ATRX: variants seen among roughly 807,000 people sequenced by gnomAD.
The protein encoded by ATRX is ATRX chromatin remodeler.
Under a neutral mutation model 172.6 loss-of-function variants are expected in ATRX, and 12 were observed. The ratio of observed to expected loss-of-function variants is 0.07; its 90% confidence interval spans 0.04 to 0.11. ATRX has a LOEUF of 0.11. Among genes scored for constraint, ATRX ranks in the 10% least tolerant of loss-of-function variants. ATRX has a pLI of 1.00. For missense variants in ATRX, 1,368 were observed against 1,767.4 expected, an observed-to-expected ratio of 0.77 and a Z score of 4.05; for synonymous variants, 674 against 594.7, an observed-to-expected ratio of 1.13 and a Z score of -1.94.
chrX:77,783,860 A>C (rs1478187122), intron 1 of ATRX, among the ~76,000 whole-genome samples: 1 of 111,958 alleles, frequency 8.9e-6, no homozygotes, highest in Non-Finnish European at 1.9e-5. Flanking sequence ...CCCTACATGC[A>C]TATATGCAGT....
intron 26 of ATRX, among the ~76,000 whole-genome samples, chrX:77,593,092 T>C (rs1387517325): frequency 2.8e-5 from 3 of 108,406 alleles, no homozygotes; most frequent in Non-Finnish European, 5.7e-5. Flanking sequence ...GGCATGGTGG[T>C]GTGCGCCTGT....
In ATRX at chrX:77,693,797, T is replaced by C. The variant is rs372876363; in HGVS notation, c.484+27A>G. Reference sequence around the variant, plus strand: ...TATGGTCATAAACAGCAATTTAAATTCATGTTTCATTTTCACTTGTATTTA... The same window carrying C: ...TATGGTCATAAACAGCAATTTAAATCCATGTTTCATTTTCACTTGTATTTA... On this transcript the variant is annotated intron_variant, in intron 6 of 34. Transcript: ENST00000373344. The C allele has an allele frequency of 5.6e-5, 63 of 1,117,330 alleles. No homozygotes were observed. The African/African-American group carries it at 9.0e-4, about 16-fold the overall frequency. The allele number at this position is 1,117,330 out of a possible 1,213,427, so 92.1% of individuals were successfully genotyped here. A position where few individuals can be genotyped will look rare whatever the true frequency, so the allele number is the denominator to read the frequency against.
At chrX:77,727,528 G>T (rs1185081912) in intron 1 of ATRX, among the ~76,000 whole-genome samples, 1 of 111,191 alleles carries the variant, frequency 9.0e-6, no homozygotes, top group East Asian at 2.8e-4. Flanking sequence ...CATATATTTT[G>T]CAGGGACATG....
intron 15 of ATRX, among the ~76,000 whole-genome samples, chrX:77,637,513 T>C (rs2068442206): frequency 9.0e-6 from 1 of 111,338 alleles, no homozygotes; most frequent in Non-Finnish European, 1.9e-5. Context: ...ACACTGAGAT[T>C]TACCCAGAGG....
chrX:77,707,203 C>T (rs954210993), intron 2 of ATRX, among the ~76,000 whole-genome samples: 3 of 111,650 alleles, frequency 2.7e-5, no homozygotes, highest in Non-Finnish European at 5.6e-5. Context: ...GTTTGCAAGG[C>T]TAAGGAGAGG....
chrX:77,557,688 G>GT, intron 29 of ATRX, 43 bp from the exon 30 acceptor site: 1 of 1,099,364 alleles, frequency 9.1e-7, no homozygotes, highest in Non-Finnish European at 1.2e-6. Flanking sequence ...ATAAAATTTT[G>GT]TAAGCATGAA....
intron 10 of ATRX, among the ~76,000 whole-genome samples, chrX:77,671,571 AAATT>A (rs1297049110): frequency 2.7e-5 from 3 of 110,455 alleles, no homozygotes; most frequent in South Asian, 3.8e-4. Flanking sequence ...AAATATATTC[AAATT>A]AATATGGGAA....
chrX:77,703,349 T>C (rs939277970), intron 2 of ATRX, among the ~76,000 whole-genome samples: 1 of 112,707 alleles, frequency 8.9e-6, no homozygotes, highest in Non-Finnish European at 1.9e-5. Context: ...TGTGAGCAAG[T>C]GTGGGGTCCG....
intron 2 of ATRX, among the ~76,000 whole-genome samples, chrX:77,713,093 G>A (rs1412159571): frequency 9.0e-6 from 1 of 110,854 alleles, no homozygotes; most frequent in African/African-American, 3.3e-5. Context: ...AGGTTGCAGT[G>A]ATCTGAGATC....
chrX:77,756,125 T>C (rs2060205180), intron 1 of ATRX, among the ~76,000 whole-genome samples: 1 of 111,970 alleles, frequency 8.9e-6, no homozygotes, highest in Non-Finnish European at 1.9e-5. Context: ...CAGTCTGAAC[T>C]TCCCAGCCTC....
intron 1 of ATRX, among the ~76,000 whole-genome samples, chrX:77,730,395 A>C (rs782711787): frequency 2.7e-5 from 3 of 111,910 alleles, no homozygotes; most frequent in Non-Finnish European, 3.8e-5. Flanking sequence ...TAAAACTTGG[A>C]GACTTCAATA....
At position 77,504,979 on chromosome X, in the gene ATRX, G is replaced by A; in HGVS notation, c.*3372C>T. The A allele has an allele frequency of 6.1e-6, 1 of 162,694 alleles. No individual in the cohort carries two copies. The highest frequency in any genetic ancestry group is 1.2e-5 in the Non-Finnish European group (1 of 83,672). The allele number at this position is 162,694 out of a possible 1,213,427, so 13.4% of individuals were successfully genotyped here. A position where few individuals can be genotyped will look rare whatever the true frequency, so the allele number is the denominator to read the frequency against. On this transcript the variant is annotated 3_prime_UTR_variant, in exon 35 of 35. Transcript: ENST00000373344. ...AAACTTGATCACTCCTTTGGGACTGGCTCAGATTATAGACTTGAAAAAAAA... is the reference window on the plus strand; with the variant it reads ...AAACTTGATCACTCCTTTGGGACTGACTCAGATTATAGACTTGAAAAAAAA...
rs1342368050 is a variant in ATRX, at chrX:77,762,179, C to A, written c.20+23803G>T. On this transcript the variant is annotated intron_variant, in intron 1 of 34. Transcript: ENST00000373344. ...ATTAGCCAGGCGTGGTGGCAGGCGC[C>A]TGTAGTCGCAGCTACTCGGGAGGCT... 4.6e-5 allele frequency among the ~76,000 whole-genome samples: 5 copies of A among 108,793 alleles called. No homozygotes were observed. In the Admixed American group the frequency reaches 5.0e-4, roughly 11 times the overall value. The allele number at this position is 108,793 out of a possible 115,157, so 94.5% of individuals were successfully genotyped here. A position where few individuals can be genotyped will look rare whatever the true frequency, so the allele number is the denominator to read the frequency against.
chrX:77,518,124 A>G (rs1044981895), intron 34 of ATRX, among the ~76,000 whole-genome samples: 19 of 112,218 alleles, frequency 1.7e-4, no homozygotes, highest in African/African-American at 5.8e-4. Flanking sequence ...CAAGGATGCC[A>G]GCTTTTACCA....
At chrX:77,543,854 T>C (rs1292010950) in intron 30 of ATRX, among the ~76,000 whole-genome samples, 2 of 110,010 alleles carry the variant, frequency 1.8e-5, no homozygotes, top group African/African-American at 3.3e-5. Context: ...AAATATCTAA[T>C]GTAGGTGACG....
chrX:77,687,787 T>G (rs2071661727), intron 7 of ATRX, among the ~76,000 whole-genome samples: 1 of 112,103 alleles, frequency 8.9e-6, no homozygotes, highest in Non-Finnish European at 1.9e-5. Context: ...TATCAAAAAT[T>G]CATGCAAGAA....
chrX:77,663,854 C>G (rs2148492131), intron 11 of ATRX, among the ~76,000 whole-genome samples: 1 of 111,772 alleles, frequency 8.9e-6, no homozygotes, highest in East Asian at 2.8e-4. Flanking sequence ...GTAATCCCAG[C>G]TCTTTGGGAG....
At position 77,683,828 on chromosome X, in the gene ATRX, C is replaced by T. The variant is rs1487335663; in HGVS notation, c.1428G>A (p.Gln476=). Residue 476 remains glutamine (Q), a synonymous_variant, in exon 9 of 35, where the codon CAG becomes CAA. Transcript: ENST00000373344. Reference sequence around the variant, plus strand: ...TTCTTTGTTCCTCTGTTGGAACATTCTGATGCATGTGCTCACTATCTACCT... The same window carrying T: ...TTCTTTGTTCCTCTGTTGGAACATTTTGATGCATGTGCTCACTATCTACCT... ...RKQVDSEHMH[Q]NVPTEEQRTN... 8.3e-7 allele frequency: 1 copy of T among 1,208,066 alleles called. No homozygotes were observed. The highest frequency in any genetic ancestry group is 3.0e-5 in the East Asian group (1 of 33,791).
intron 1 of ATRX, among the ~76,000 whole-genome samples, chrX:77,768,780 T>C (rs781962310): frequency 2.7e-5 from 3 of 112,031 alleles, no homozygotes; most frequent in South Asian, 3.7e-4. Context: ...TTAAAAACCA[T>C]GAAAATCTCA....
Sources: gnomAD v4.1 joint callset for allele counts (sites outside exome capture counted in the v4.1 genomes callset) on GRCh38, gnomAD v4.1.1 for gene constraint, MANE v1.5 for transcripts, NCBI Gene and HGNC (gene_info 2026-07-23, HGNC 2026-07-21) for gene names.